The following SLFN12L variants were observed in gnomAD, a reference collection of about 807,000 sequenced individuals.
SLFN12L encodes the protein schlafen family member 12 like, also known as schlafen family member 12-like.
Under a neutral mutation model 34.8 loss-of-function variants are expected in SLFN12L, and 34 were observed. The observed-to-expected ratio is 0.98, with a 90% CI of 0.74 to 1.30. The LOEUF (loss-of-function observed/expected upper bound fraction) is 1.30. Among genes scored for constraint, SLFN12L ranks in the 50% most tolerant of loss-of-function variants. SLFN12L has a pLI of 0.00. For synonymous variants in SLFN12L, 259 were observed against 247.5 expected (o/e 1.05, Z -0.44); for missense variants, 703 against 696.2 (o/e 1.01, Z -0.11).
chr17:35,528,115 A>G (rs1368904440), intron 1 of SLFN12L, among the ~76,000 whole-genome samples: 3 of 152,236 alleles, frequency 2.0e-5, no homozygotes, highest in African/African-American at 7.2e-5. Context: ...TACAAAGAGA[A>G]TAAAATACCT....
chr17:35,480,798 C>T (rs572638487), intron 2 of SLFN12L, among the ~76,000 whole-genome samples: 2 of 152,134 alleles, frequency 1.3e-5, no homozygotes, highest in Non-Finnish European at 2.9e-5. Flanking sequence ...TATCAAACAT[C>T]CACGTTTACA....
intron 3 of SLFN12L, among the ~76,000 whole-genome samples, chr17:35,478,826 G>T (rs542384080): frequency 5.3e-5 from 8 of 152,178 alleles, no homozygotes; most frequent in Non-Finnish European, 1.0e-4. Flanking sequence ...AAAGAAAAAC[G>T]AAAAGAATTG....
chr17:35,520,640 G>T (rs1015526326), intron 2 of SLFN12L, among the ~76,000 whole-genome samples: 1 of 152,106 alleles, frequency 6.6e-6, no homozygotes, highest in Non-Finnish European at 1.5e-5. Context: ...AGCTACTCGG[G>T]AGGTTGAGGC....
intron 2 of SLFN12L, chr17:35,487,745 C>A (rs551192455): frequency 2.0e-6 from 3 of 1,535,942 alleles, no homozygotes; most frequent in African/African-American, 2.7e-5. Context: ...TCCATGTCTG[C>A]GCACTCTTCA....
Position 35,522,404 on chromosome 17 carries a change from G to A in SLFN12L, c.-40C>T. 6.2e-7 allele frequency: 1 copy of A among 1,614,136 alleles called. No individual in the cohort carries two copies. Among genetic ancestry groups the A allele is most frequent in the Non-Finnish European group, 8.5e-7 (1 of 1,180,016 alleles). ...TGATGGTCTTTCCTAAGCCAGGTAA[G>A]CCATGGACAAACAATTCTCTGTTCT... On this transcript the variant is annotated 5_prime_UTR_variant, in exon 2 of 5. Coordinates refer to ENST00000628453, the MANE Select transcript of SLFN12L (RefSeq NM_001363830.2).
At chr17:35,511,652 G>T (rs1915651198) in intron 2 of SLFN12L, among the ~76,000 whole-genome samples, 1 of 151,964 alleles carries the variant, frequency 6.6e-6, no homozygotes, top group Non-Finnish European at 1.5e-5. Context: ...AGGAGGCTGA[G>T]GTGGAAGGAT....
chr17:35,493,909 GTTC>G (rs1447066518), intron 2 of SLFN12L, among the ~76,000 whole-genome samples: 1 of 152,092 alleles, frequency 6.6e-6, no homozygotes, highest in Non-Finnish European at 1.5e-5. Flanking sequence ...CTTAGTTGTG[GTTC>G]TTCTTTTCAT....
In SLFN12L at chr17:35,472,541, T is replaced by C. The variant is rs547817084; in HGVS notation, c.*2382A>G. ...TGCTGTTTTGGTTACTGTAGCCATG[T>C]AGTGTAGTTTGAAGTCAGGTAGCAT... On this transcript the variant is annotated 3_prime_UTR_variant, in exon 5 of 5. Coordinates refer to ENST00000628453, the MANE Select transcript of SLFN12L (RefSeq NM_001363830.2). 3.3e-5 allele frequency among the ~76,000 whole-genome samples: 5 copies of C among 152,346 alleles called. No homozygotes were observed. The South Asian group carries it at 1.0e-3, about 32-fold the overall frequency.
At chr17:35,476,469 G>A (rs201322321) in intron 4 of SLFN12L, among the ~76,000 whole-genome samples, 4 of 85,306 alleles carry the variant, frequency 4.7e-5, no homozygotes, top group East Asian at 3.3e-4. Context: ...AAGGAAGGAA[G>A]GAAGGAAGGA....
Position 35,480,005 on chromosome 17 carries a change from G to C in SLFN12L, c.277C>G (p.Leu93Val). ...ATCACTCCCCCTCCAGAATTCAGCA[G>C]AGCACACACAGCTCGTGAGACATTT... Reference protein sequence around the residue: ...NENVSRAVCALLNSGGGVIKA... With the variant: ...NENVSRAVCAVLNSGGGVIKA... The change falls in exon 3 of 5, where the codon CTG (leucine) becomes GTG (valine). Residue 93 changes from leucine (L) to valine (V), a missense_variant. Physicochemically the swap from Leu to Val is conservative, Grantham distance 32. Coordinates refer to ENST00000628453, the MANE Select transcript of SLFN12L (RefSeq NM_001363830.2). 1 of 1,614,142 alleles carries C rather than the reference G, an allele frequency of 6.2e-7. No homozygotes were observed. The highest frequency in any genetic ancestry group is 8.5e-7 in the Non-Finnish European group (1 of 1,180,034).
chr17:35,508,396 G>C (rs1219953457), intron 2 of SLFN12L, among the ~76,000 whole-genome samples: 1 of 152,190 alleles, frequency 6.6e-6, no homozygotes, highest in Non-Finnish European at 1.5e-5. Context: ...GCCCAGGCTG[G>C]AGTGCAGTGG....
At chr17:35,513,202 G>A (rs1915712233) in intron 2 of SLFN12L, among the ~76,000 whole-genome samples, 1 of 152,078 alleles carries the variant, frequency 6.6e-6, no homozygotes, top group Non-Finnish European at 1.5e-5. Context: ...GATAAGGATG[G>A]CAAACCCACA....
intron 2 of SLFN12L, among the ~76,000 whole-genome samples, chr17:35,512,942 C>T (rs867314886): frequency 1.3e-5 from 2 of 152,082 alleles, no homozygotes; most frequent in African/African-American, 2.4e-5. Context: ...TCTCTGGGCC[C>T]GTTCTTTCCC....
chr17:35,509,308 T>C (rs1477501435), intron 2 of SLFN12L, among the ~76,000 whole-genome samples: 1 of 152,222 alleles, frequency 6.6e-6, no homozygotes, highest in African/African-American at 2.4e-5. Flanking sequence ...AAAGATGTCA[T>C]TGGAATGGTG....
intron 1 of SLFN12L, among the ~76,000 whole-genome samples, chr17:35,533,734 G>C (rs577491497): frequency 1.3e-4 from 20 of 152,284 alleles, no homozygotes; most frequent in African/African-American, 4.8e-4. Context: ...CAGGTGTCCA[G>C]CTGTGCATTG....
chr17:35,515,880 G>C (rs1024775707), intron 2 of SLFN12L, among the ~76,000 whole-genome samples: 1 of 151,848 alleles, frequency 6.6e-6, no homozygotes, highest in East Asian at 1.9e-4. Context: ...CTGACCTCGT[G>C]ATCTACCCGC....
intron 2 of SLFN12L, among the ~76,000 whole-genome samples, chr17:35,520,729 G>C (rs1410443931): frequency 6.6e-6 from 1 of 151,776 alleles, no homozygotes; most frequent in Non-Finnish European, 1.5e-5. Context: ...CTGGGCGACA[G>C]AGCAAAACTC....
At position 35,469,044 on chromosome 17, in the gene SLFN12L, G is replaced by A. The variant is rs949993069; in HGVS notation, c.*5879C>T. On this transcript the variant is annotated 3_prime_UTR_variant, in exon 5 of 5. Transcript: ENST00000628453. ...AAAAGATAACAAAAATTAATGGATA[G>A]TATTGCCTTTCTCTGAAGGCTGTTG... Among the ~76,000 whole-genome samples the A allele has an allele frequency of 6.6e-6, 1 of 151,614 alleles. No individual in the cohort carries two copies. Among genetic ancestry groups the A allele is most frequent in the Non-Finnish European group, 1.5e-5 (1 of 67,914 alleles).
Position 35,468,150 on chromosome 17 carries a change from A to G in SLFN12L, c.*6773T>C, listed in dbSNP as rs917023431. Among the ~76,000 whole-genome samples, 5 of 152,150 alleles carry G rather than the reference A, an allele frequency of 3.3e-5. No individual in the cohort carries two copies. Among genetic ancestry groups the G allele is most frequent in the African/African-American group, 9.7e-5 (4 of 41,440 alleles). On this transcript the variant is annotated 3_prime_UTR_variant, in exon 5 of 5. Coordinates refer to ENST00000628453, the MANE Select transcript of SLFN12L (RefSeq NM_001363830.2). ...GGTCTTGAATGCCTGAGCTCAAGCA[A>G]TGCACCTGCTTTGGCCTCTCAAAGT...
Sources: gnomAD v4.1 joint callset for allele counts (sites outside exome capture counted in the v4.1 genomes callset) on GRCh38, gnomAD v4.1.1 for gene constraint, MANE v1.5 for transcripts, NCBI Gene and HGNC (gene_info 2026-07-23, HGNC 2026-07-21) for gene names.